PRKN: variants seen among roughly 807,000 people sequenced by gnomAD.
PRKN encodes the protein E3 ubiquitin-protein ligase parkin.
A neutral mutation model predicts 59.5 loss-of-function variants in PRKN; 56 were observed. That is an observed-to-expected ratio of 0.94 (90% CI 0.76 to 1.18). PRKN has a LOEUF of 1.18. Among genes scored for constraint, PRKN ranks in the 50% most tolerant of loss-of-function variants. The pLI is 0.00. For synonymous variants in PRKN, 250 were observed against 222.1 expected, an observed-to-expected ratio of 1.13 and a Z score of -1.12; for missense variants, 657 against 596.4, an observed-to-expected ratio of 1.10 and a Z score of -1.06.
Position 161,566,545 on chromosome 6 carries a change from T to C in PRKN, c.933+2810A>G, listed in dbSNP as rs2115472436. ...CCTCAGCCTCCTGAGTAGCTGAGATTACAGGCGCCCGCCACCACACCCAGC... is the reference window on the plus strand; with the variant it reads ...CCTCAGCCTCCTGAGTAGCTGAGATCACAGGCGCCCGCCACCACACCCAGC... On this transcript the variant is annotated intron_variant, in intron 8 of 11. Transcript: ENST00000366898. This position sits in a 1 kb window ranked among gnomAD's most constrained non-coding sequence, Gnocchi z 4.1. Among the ~76,000 whole-genome samples, 1 of 152,292 alleles carries C rather than the reference T, an allele frequency of 6.6e-6. No homozygotes were observed. The highest frequency in any genetic ancestry group is 2.1e-4 in the South Asian group (1 of 4,822).
At position 161,548,164 on chromosome 6, in the gene PRKN, T is replaced by C. The variant is rs1351966910; in HGVS notation, c.1083+690A>G. ...GGCTGCATGAAATTTAATATCAGGA[T>C]TATTATCCATTTGTCATTTTAACCT... On this transcript the variant is annotated intron_variant, in intron 9 of 11. Transcript: ENST00000366898. This position sits in a 1 kb window ranked among gnomAD's most constrained non-coding sequence, Gnocchi z 4.2. Among the ~76,000 whole-genome samples, 2 of 152,236 alleles carry C rather than the reference T, an allele frequency of 1.3e-5. No homozygotes were observed. The highest frequency in any genetic ancestry group is 6.5e-5 in the Admixed American group (1 of 15,288).
intron 2 of PRKN, among the ~76,000 whole-genome samples, chr6:162,384,839 G>T (rs1447126578): frequency 6.6e-6 from 1 of 152,092 alleles, no homozygotes; most frequent in African/African-American, 2.4e-5. Flanking sequence ...GCAGAGAGGA[G>T]AAATGATTTG....
chr6:161,519,622 A>T (rs1778746696), intron 9 of PRKN, among the ~76,000 whole-genome samples: 1 of 152,218 alleles, frequency 6.6e-6, no homozygotes, highest in African/African-American at 2.4e-5. Context: ...GAAAGGGAAG[A>T]GATATAAACA....
intron 4 of PRKN, among the ~76,000 whole-genome samples, chr6:162,165,344 T>C (rs1247128503): frequency 6.7e-6 from 1 of 149,018 alleles, no homozygotes; most frequent in African/African-American, 2.5e-5. Flanking sequence ...CATCTGTTCA[T>C]AAAAAATATG....
At chr6:162,053,172 G>A (rs1411462920) in intron 5 of PRKN, among the ~76,000 whole-genome samples, 2 of 152,098 alleles carry the variant, frequency 1.3e-5, no homozygotes, top group African/African-American at 4.8e-5. Context: ...GTTTATTGTT[G>A]CCCACTGCCA....
chr6:161,501,641 G>A (rs1443484099), intron 9 of PRKN, among the ~76,000 whole-genome samples: 7 of 152,080 alleles, frequency 4.6e-5, no homozygotes, highest in Admixed American at 3.9e-4. Flanking sequence ...AGATGTTCAA[G>A]TGGTTGTTTG....
chr6:162,271,556 A>G (rs1486501283), intron 2 of PRKN: 1 of 152,126 alleles, frequency 6.6e-6, no homozygotes, highest in African/African-American at 2.4e-5. Context: ...AAAAAAAAAA[A>G]AGGTGTTATT....
intron 6 of PRKN, among the ~76,000 whole-genome samples, chr6:161,820,236 TG>T (rs1293282768): frequency 6.6e-6 from 1 of 151,872 alleles, no homozygotes; most frequent in East Asian, 1.9e-4. Flanking sequence ...TCTGGCAAAA[TG>T]GGTTCACTCA....
chr6:162,372,997 C>G (rs933739422), intron 2 of PRKN, among the ~76,000 whole-genome samples: 1 of 152,138 alleles, frequency 6.6e-6, no homozygotes, highest in Middle Eastern at 3.4e-3. Flanking sequence ...GACCATGCAC[C>G]TTTATCAGGA....
chr6:161,430,933 C>A (rs534621398), intron 9 of PRKN, among the ~76,000 whole-genome samples: 1 of 150,992 alleles, frequency 6.6e-6, no homozygotes, highest in Admixed American at 6.6e-5. Flanking sequence ...GTCAGAAGTT[C>A]GAGACCAGCC....
At chr6:162,362,575 T>C (rs960808848) in intron 2 of PRKN, among the ~76,000 whole-genome samples, 3 of 152,188 alleles carry the variant, frequency 2.0e-5, no homozygotes, top group African/African-American at 4.8e-5. Flanking sequence ...TTCTCTATTT[T>C]ATTTTTCTTC....
chr6:161,750,539 G>A (rs1409579381), intron 7 of PRKN, among the ~76,000 whole-genome samples: 3 of 151,932 alleles, frequency 2.0e-5, no homozygotes, highest in Non-Finnish European at 4.4e-5. Context: ...AGGCCGAGGC[G>A]GGTGGATCAC....
intron 7 of PRKN, among the ~76,000 whole-genome samples, chr6:161,656,714 C>A (rs1784364077): frequency 6.6e-6 from 1 of 152,160 alleles, no homozygotes; most frequent in African/African-American, 2.4e-5. Context: ...GATCAAGTAG[C>A]TCCCACCCTT....
rs1417983797 is a variant in PRKN, at chr6:161,428,011, A to G, written c.1084-41134T>C. ...TCAGAGGGTCCCGACAGAGGGTGAC[A>G]CTTGCATGGTTGCAGAAGGAAGCTC... On this transcript the variant is annotated intron_variant, in intron 9 of 11. Coordinates refer to ENST00000366898, the MANE Select transcript of PRKN (RefSeq NM_004562.3). This position sits in a 1 kb window ranked among gnomAD's most constrained non-coding sequence, Gnocchi z 4.0. 1.3e-5 allele frequency among the ~76,000 whole-genome samples: 2 copies of G among 152,150 alleles called. No individual in the cohort carries two copies. The highest frequency in any genetic ancestry group is 2.9e-5 in the Non-Finnish European group (2 of 68,026).
rs545562360 is a variant in PRKN at position 161,717,922 on chromosome 6, G to T, written c.871+67850C>A. Among the ~76,000 whole-genome samples the T allele has an allele frequency of 1.6e-4, 25 of 152,244 alleles. No individual in the cohort carries two copies. In the East Asian group the frequency reaches 4.9e-3, roughly 30 times the overall value. On this transcript the variant is annotated intron_variant, in intron 7 of 11. Transcript: ENST00000366898. ...CTGCTCAGGTCCTCAGTGTCATTGT[G>T]CATGAGAGTGAAGAGGATGCCCAGA...
intron 1 of PRKN, among the ~76,000 whole-genome samples, chr6:162,528,688 C>T (rs1778388901): frequency 6.8e-6 from 1 of 146,276 alleles, no homozygotes; most frequent in Admixed American, 6.8e-5. Flanking sequence ...GGTGGCAAGG[C>T]TGAGGCAGTC....
At chr6:162,313,382 T>A (rs1172660529) in intron 2 of PRKN, among the ~76,000 whole-genome samples, 1 of 152,226 alleles carries the variant, frequency 6.6e-6, no homozygotes, top group Non-Finnish European at 1.5e-5. Context: ...CTTATTTCAC[T>A]TAGCATCATG....
intron 4 of PRKN, among the ~76,000 whole-genome samples, chr6:162,191,787 G>A (rs1211724842): frequency 6.6e-6 from 1 of 152,116 alleles, no homozygotes; most frequent in Non-Finnish European, 1.5e-5. Flanking sequence ...TGCTGTGTCC[G>A]TTGTTATCCT....
chr6:162,571,694 G>A (rs1331069836), intron 1 of PRKN, among the ~76,000 whole-genome samples: 1 of 152,112 alleles, frequency 6.6e-6, no homozygotes, highest in Non-Finnish European at 1.5e-5. Flanking sequence ...AGGGAGCCAG[G>A]AGCAAGGTGC....
Sources: gnomAD v4.1 joint callset for allele counts (sites outside exome capture counted in the v4.1 genomes callset) on GRCh38, gnomAD v4.1.1 for gene constraint, Gnocchi (gnomAD v3.1) non-coding constraint, MANE v1.5 for transcripts, NCBI Gene and HGNC (gene_info 2026-07-23, HGNC 2026-07-21) for gene names.